Variants in DLGAP1 observed in about 807,000 individuals in gnomAD.
The protein encoded by DLGAP1 is disks large-associated protein 1.
In DLGAP1, 11 loss-of-function variants were observed where a neutral mutation model predicts 90.8. The observed-to-expected ratio is 0.12, with a 90% confidence interval of 0.08 to 0.20. DLGAP1 has a LOEUF of 0.20. DLGAP1 is among the 10% of genes least tolerant of loss of function. The pLI is 1.00. For missense variants in DLGAP1, 1,050 were observed against 1,333.8 expected (o/e 0.79, Z 3.31); for synonymous variants, 558 against 540.7 (o/e 1.03, Z -0.44).
chr18:4,197,231 A>T (rs565434115), intron 1 of DLGAP1, among the ~76,000 whole-genome samples: 2 of 151,624 alleles, frequency 1.3e-5, no homozygotes, highest in Admixed American at 1.3e-4. Flanking sequence ...AAGAGGCAGC[A>T]ACCCTTCCAG....
chr18:3,530,464 G>GAA (rs1323575534), intron 10 of DLGAP1, among the ~76,000 whole-genome samples: 2 of 151,864 alleles, frequency 1.3e-5, no homozygotes, highest in Non-Finnish European at 2.9e-5. Flanking sequence ...GAGAGAGAGA[G>GAA]AACACCAATC....
At chr18:3,932,408 A>G (rs1190890842) in intron 3 of DLGAP1, among the ~76,000 whole-genome samples, 1 of 152,234 alleles carries the variant, frequency 6.6e-6, no homozygotes, top group Non-Finnish European at 1.5e-5. Flanking sequence ...TCAGTGGCAG[A>G]TGGGAACAAC....
chr18:4,149,447 C>CA, intron 2 of DLGAP1, among the ~76,000 whole-genome samples: 1 of 152,146 alleles, frequency 6.6e-6, no homozygotes, highest in African/African-American at 2.4e-5. Context: ...AAAGGAGCTG[C>CA]AACAGATGCG....
chr18:4,242,114 A>C (rs960782693), intron 1 of DLGAP1, among the ~76,000 whole-genome samples: 10 of 152,044 alleles, frequency 6.6e-5, no homozygotes, highest in African/African-American at 2.4e-4. Context: ...TCATCCTCAA[A>C]GCCCTCGACC....
chr18:4,340,183 T>C (rs2081160463), intron 1 of DLGAP1, among the ~76,000 whole-genome samples: 2 of 152,132 alleles, frequency 1.3e-5, no homozygotes, highest in Admixed American at 1.3e-4. Context: ...ATTAATGACA[T>C]ATTATAAAAT....
At chr18:3,878,265 G>C (rs895335424) in intron 4 of DLGAP1, 2 of 151,856 alleles carry the variant, frequency 1.3e-5, no homozygotes, top group Non-Finnish European at 2.9e-5. Flanking sequence ...TGTGCCTTGG[G>C]AAAAATTACA....
chr18:3,699,394 T>C (rs1353176904), intron 7 of DLGAP1, among the ~76,000 whole-genome samples: 1 of 152,110 alleles, frequency 6.6e-6, no homozygotes, highest in African/African-American at 2.4e-5. Context: ...CCTTCTAACC[T>C]GCCCTCTGCT....
chr18:4,329,943 T>A (rs2080911289), intron 1 of DLGAP1, among the ~76,000 whole-genome samples: 1 of 151,964 alleles, frequency 6.6e-6, no homozygotes, highest in South Asian at 2.1e-4. Flanking sequence ...TCCTATGGAA[T>A]TGGAAATATT....
intron 1 of DLGAP1, among the ~76,000 whole-genome samples, chr18:4,329,266 A>G (rs2080895012): frequency 6.6e-6 from 1 of 151,962 alleles, no homozygotes. Flanking sequence ...GAAAAAACGA[A>G]GATTTCTACA....
Position 3,641,584 on chromosome 18 carries a change from T to TAC in DLGAP1, c.1592-59337_1592-59336insGT, listed in dbSNP as rs1381099647. On this transcript the variant is annotated intron_variant, in intron 7 of 12. Transcript: ENST00000315677. ...ACATAAGACAATGTACACATATATATATACACACACACACACACACACACA... is the reference window on the plus strand; with the variant it reads ...ACATAAGACAATGTACACATATATATACATACACACACACACACACACACACA... Among the ~76,000 whole-genome samples the TAC allele has an allele frequency of 7.2e-3, 905 of 125,154 alleles. 6 individuals are homozygous for TAC. The highest frequency in any genetic ancestry group is 0.021 in the African/African-American group (648 of 31,016). 82.1% of individuals were successfully genotyped at this position (125,154 alleles called of 152,430 possible).
At chr18:3,952,255 C>G (rs1269939557) in intron 3 of DLGAP1, among the ~76,000 whole-genome samples, 1 of 152,178 alleles carries the variant, frequency 6.6e-6, no homozygotes, top group African/African-American at 2.4e-5. Context: ...CTGCTTTTAT[C>G]TTTTAATGCC....
chr18:3,753,337 G>T (rs1425927766), intron 5 of DLGAP1, among the ~76,000 whole-genome samples: 1 of 152,118 alleles, frequency 6.6e-6, no homozygotes, highest in Non-Finnish European at 1.5e-5. Flanking sequence ...CACCCTTTTG[G>T]AGCTCTGTTG....
intron 1 of DLGAP1, among the ~76,000 whole-genome samples, chr18:4,360,908 A>G (rs949487263): frequency 6.6e-6 from 1 of 152,164 alleles, no homozygotes; most frequent in African/African-American, 2.4e-5. Flanking sequence ...TGAACCCAAC[A>G]GGCAGCCATT....
intron 9 of DLGAP1, among the ~76,000 whole-genome samples, chr18:3,559,419 A>C (rs991800419): frequency 4.0e-5 from 6 of 151,650 alleles, no homozygotes; most frequent in African/African-American, 1.5e-4. Context: ...ATTTGTTATT[A>C]TTTTCTATTT....
intron 9 of DLGAP1, among the ~76,000 whole-genome samples, chr18:3,537,224 C>T (rs2052431474): frequency 6.6e-6 from 1 of 152,214 alleles, no homozygotes; most frequent in Non-Finnish European, 1.5e-5. Flanking sequence ...TCTTTTCCAA[C>T]TGAAACTGTG....
chr18:3,935,585 T>C lies in DLGAP1; in HGVS notation c.-72-55445A>G, dbSNP rs964811039. Among the ~76,000 whole-genome samples the C allele has an allele frequency of 5.9e-5, 9 of 152,206 alleles. No homozygotes were observed. The South Asian group carries it at 8.3e-4, about 14-fold the overall frequency. On this transcript the variant is annotated intron_variant, in intron 3 of 12. Transcript: ENST00000315677. ...TCATTTCCTGATCACCAAGAAGACA[T>C]GTGCAGTGGTCCATCTGCTATTCTT...
At chr18:4,384,464 T>C (rs905479060) in intron 1 of DLGAP1, among the ~76,000 whole-genome samples, 3 of 152,150 alleles carry the variant, frequency 2.0e-5, no homozygotes, top group Non-Finnish European at 4.4e-5. Context: ...AGGGATTAGT[T>C]CATTTTCATA....
chr18:4,037,709 T>C (rs1246260010), intron 2 of DLGAP1, among the ~76,000 whole-genome samples: 2 of 152,150 alleles, frequency 1.3e-5, no homozygotes. Flanking sequence ...CCTGTAATAC[T>C]AGCACTTTGG....
chr18:3,652,363 T>C (rs2059344567), intron 7 of DLGAP1, among the ~76,000 whole-genome samples: 1 of 152,120 alleles, frequency 6.6e-6, no homozygotes, highest in South Asian at 2.1e-4. Flanking sequence ...GGTCTCGCTC[T>C]GTTGACCAGG....
Sources: gnomAD v4.1 joint callset for allele counts (sites outside exome capture counted in the v4.1 genomes callset) on GRCh38, gnomAD v4.1.1 for gene constraint, MANE v1.5 for transcripts, NCBI Gene and HGNC (gene_info 2026-07-23, HGNC 2026-07-21) for gene names.